ENPP1: variants seen among roughly 807,000 people sequenced by gnomAD.
ENPP1 encodes the protein ectonucleotide pyrophosphatase/phosphodiesterase family member 1.
In ENPP1, 73 loss-of-function variants were observed where a neutral mutation model predicts 122.8. The observed-to-expected ratio is 0.59, with a 90% confidence interval of 0.49 to 0.72. The LOEUF (loss-of-function observed/expected upper bound fraction) is 0.72. Ranked by LOEUF, ENPP1 falls within the 30% of genes least tolerant of loss-of-function variation. The pLI is 0.00. For missense variants in ENPP1, 978 were observed against 1,128.1 expected (o/e 0.87, Z 1.91); for synonymous variants, 367 against 391.6 (o/e 0.94, Z 0.74).
intron 1 of ENPP1, among the ~76,000 whole-genome samples, chr6:131,842,540 C>T (rs1253978749): frequency 6.6e-6 from 1 of 151,958 alleles, no homozygotes; most frequent in Non-Finnish European, 1.5e-5. Context: ...CTTGCAGATA[C>T]TCAAACCTTT....
chr6:131,869,914 A>G (rs1782140059), intron 13 of ENPP1, among the ~76,000 whole-genome samples: 2 of 151,828 alleles, frequency 1.3e-5, no homozygotes, highest in African/African-American at 4.8e-5. Context: ...GCTAAACTAA[A>G]GGGAATCACA....
intron 1 of ENPP1, among the ~76,000 whole-genome samples, chr6:131,821,108 A>G (rs979256733): frequency 6.6e-6 from 1 of 152,208 alleles, no homozygotes; most frequent in Non-Finnish European, 1.5e-5. Flanking sequence ...GCAGACTGAC[A>G]TATCAGCATT....
rs771257216 is a variant in ENPP1, at chr6:131,869,508, T to C, written c.1405+19T>C. The C allele has an allele frequency of 1.2e-6, 2 of 1,610,194 alleles. No homozygotes were observed. Among genetic ancestry groups the C allele is most frequent in the Admixed American group, 1.7e-5 (1 of 59,982 alleles). On this transcript the variant is annotated intron_variant, in intron 13 of 24. Transcript: ENST00000647893. The stretch of plus-strand genomic sequence containing the variant: ...TATTCATGTAAGTATATCTCTGTGA[T>C]AACTTTGAATATGGTCATATTAAGA...
chr6:131,859,593 C>T (rs996006671), intron 7 of ENPP1, among the ~76,000 whole-genome samples: 4 of 9,998 alleles, frequency 4.0e-4, no homozygotes, highest in African/African-American at 1.2e-3. Context: ...GTAGCCTGCC[C>T]GGACCTAGGG....
chr6:131,888,910 C>G (rs1211030572), intron 24 of ENPP1, among the ~76,000 whole-genome samples: 1 of 152,190 alleles, frequency 6.6e-6, no homozygotes, highest in East Asian at 1.9e-4. Context: ...CATGGAACAG[C>G]AAGTCCAGCT....
At chr6:131,845,451 G>GT (rs34638422) in intron 1 of ENPP1, among the ~76,000 whole-genome samples, 96,821 of 132,826 alleles carry the variant, frequency 0.73, 37,379 homozygotes, top group East Asian at 0.87. Context: ...GTTTTGGCTT[G>GT]TTTTTTTTTT....
intron 1 of ENPP1, among the ~76,000 whole-genome samples, chr6:131,831,133 A>AG (rs1423273818): frequency 6.1e-5 from 9 of 148,728 alleles, no homozygotes; most frequent in South Asian, 2.1e-4. Flanking sequence ...AAAAAAAAAA[A>AG]AAAAGAAAAG....
chr6:131,876,286 G>A (rs886407029), intron 17 of ENPP1, among the ~76,000 whole-genome samples: 6 of 152,132 alleles, frequency 3.9e-5, no homozygotes, highest in African/African-American at 1.4e-4. Flanking sequence ...AGAAATGAAG[G>A]AGGACCCATT....
At chr6:131,832,556 A>G (rs1274483038) in intron 1 of ENPP1, among the ~76,000 whole-genome samples, 1 of 152,200 alleles carries the variant, frequency 6.6e-6, no homozygotes, top group Non-Finnish European at 1.5e-5. Flanking sequence ...TGATAAATTC[A>G]TCTCTGTTCA....
intron 1 of ENPP1, among the ~76,000 whole-genome samples, chr6:131,843,773 T>G (rs1438813250): frequency 6.6e-6 from 1 of 152,054 alleles, no homozygotes; most frequent in Non-Finnish European, 1.5e-5. Context: ...TGGAGGGTCT[T>G]TTTACTCTTC....
At chr6:131,808,391 G>A (rs1781308344) in intron 1 of ENPP1, 116 bp downstream of exon 1, 2 of 1,264,186 alleles carry the variant, frequency 1.6e-6, no homozygotes, top group South Asian at 2.3e-5. Context: ...GGCATGGTCC[G>A]GGAGTGCTTC....
intron 6 of ENPP1, among the ~76,000 whole-genome samples, chr6:131,857,333 A>G (rs1162030805): frequency 3.4e-5 from 5 of 148,256 alleles, no homozygotes; most frequent in African/African-American, 1.3e-4. Flanking sequence ...TCATGCTGCT[A>G]TAAAGACACA....
At chr6:131,887,336 A>C (rs1027341711) in intron 24 of ENPP1, among the ~76,000 whole-genome samples, 3 of 151,936 alleles carry the variant, frequency 2.0e-5, no homozygotes, top group Non-Finnish European at 2.9e-5. Flanking sequence ...TTATTTGCTC[A>C]GAATTTTAAA....
At chr6:131,871,473 A>G (rs1191469143) in intron 13 of ENPP1, among the ~76,000 whole-genome samples, 1 of 152,216 alleles carries the variant, frequency 6.6e-6, no homozygotes, top group Non-Finnish European at 1.5e-5. Flanking sequence ...ATACAAAGTA[A>G]AAAGAAACAG....
intron 6 of ENPP1, among the ~76,000 whole-genome samples, chr6:131,855,522 T>G (rs1317127518): frequency 6.6e-6 from 1 of 151,792 alleles, no homozygotes; most frequent in African/African-American, 2.4e-5. Flanking sequence ...GACAGGGTTT[T>G]GCCATGTTGC....
intron 4 of ENPP1, 117 bp downstream of exon 4, chr6:131,851,384 G>GA (rs1326756784): frequency 3.8e-6 from 5 of 1,302,640 alleles, no homozygotes; most frequent in Non-Finnish European, 4.3e-6. Flanking sequence ...TATATTAGCT[G>GA]AAAAAAATAA....
At chr6:131,877,270 G>A (rs1782242585) in intron 18 of ENPP1, 109 bp downstream of exon 18, 2 of 1,050,584 alleles carry the variant, frequency 1.9e-6, no homozygotes, top group Non-Finnish European at 2.9e-6. Flanking sequence ...AGGAGTGGGG[G>A]TAGGTAAACA....
chr6:131,866,002 A>G (rs536606454), intron 11 of ENPP1, among the ~76,000 whole-genome samples: 1 of 124,170 alleles, frequency 8.1e-6, no homozygotes, highest in Admixed American at 7.1e-5. Context: ...CTCAAAAAAA[A>G]AAAAAAGAGA....
chr6:131,840,876 A>G (rs1352154301), intron 1 of ENPP1, among the ~76,000 whole-genome samples: 5 of 152,196 alleles, frequency 3.3e-5, no homozygotes, highest in African/African-American at 1.2e-4. Flanking sequence ...TCTACCAGGC[A>G]GGTGTCAATT....
Sources: gnomAD v4.1 joint callset for allele counts (sites outside exome capture counted in the v4.1 genomes callset) on GRCh38, gnomAD v4.1.1 for gene constraint, MANE v1.5 for transcripts, NCBI Gene and HGNC (gene_info 2026-07-23, HGNC 2026-07-21) for gene names.